Variants in STAG1 observed in about 807,000 individuals in gnomAD.
The protein encoded by STAG1 is STAG1 cohesin complex component.
A neutral mutation model predicts 170.9 loss-of-function variants in STAG1; 26 were observed. The observed-to-expected ratio is 0.15, with a 90% CI of 0.11 to 0.21. The LOEUF (loss-of-function observed/expected upper bound fraction) is 0.21. Ranked by LOEUF, STAG1 falls within the 10% of genes least tolerant of loss-of-function variation. STAG1 has a pLI of 1.00. For synonymous variants in STAG1, 514 were observed against 497.7 expected (o/e 1.03, Z -0.44); for missense variants, 964 against 1,509.5 (o/e 0.64, Z 5.99).
At chr3:136,468,234 G>T (rs1383576502) in intron 12 of STAG1, among the ~76,000 whole-genome samples, 2 of 151,940 alleles carry the variant, frequency 1.3e-5, no homozygotes, top group Non-Finnish European at 2.9e-5. Context: ...TTTTTGAAAA[G>T]ATCAACAAAA....
chr3:136,722,477 G>A (rs937616981), intron 1 of STAG1, among the ~76,000 whole-genome samples: 2 of 152,102 alleles, frequency 1.3e-5, no homozygotes, highest in African/African-American at 4.8e-5. Context: ...AAAAAGAGAA[G>A]GGAAGTGGTA....
rs1357447241 is a variant in STAG1 at position 136,487,088 on chromosome 3, G to T, written c.903-9676C>A. ...ATACAGGTATGCATGTGCCATGGTGGTCTGCTGCACCTATTGACCCGTCCT... is the reference window on the plus strand; with the variant it reads ...ATACAGGTATGCATGTGCCATGGTGTTCTGCTGCACCTATTGACCCGTCCT... On this transcript the variant is annotated intron_variant, in intron 9 of 33. Transcript: ENST00000383202. 4.0e-5 allele frequency among the ~76,000 whole-genome samples: 6 copies of T among 149,354 alleles called. 1 individual carries two copies. The Admixed American group carries it at 4.0e-4, about 10-fold the overall frequency.
intron 7 of STAG1, among the ~76,000 whole-genome samples, chr3:136,506,004 A>G (rs896111559): frequency 2.0e-5 from 3 of 152,220 alleles, no homozygotes; most frequent in African/African-American, 7.2e-5. Flanking sequence ...GGAAGAGGCC[A>G]GATTATAAGA....
At chr3:136,552,307 A>G (rs1258024378) in intron 5 of STAG1, among the ~76,000 whole-genome samples, 1 of 152,234 alleles carries the variant, frequency 6.6e-6, no homozygotes, top group Non-Finnish European at 1.5e-5. Context: ...TTTCAGCATT[A>G]GAAGTTACAT....
intron 8 of STAG1, 134 bp downstream of exon 8, chr3:136,502,494 T>C (rs560365151): frequency 9.3e-6 from 9 of 966,724 alleles, no homozygotes; most frequent in African/African-American, 3.3e-5. Flanking sequence ...CCAGCTTCAT[T>C]TGGAAACCCT....
At chr3:136,430,945 C>G (rs906736395) in intron 16 of STAG1, among the ~76,000 whole-genome samples, 7 of 151,736 alleles carry the variant, frequency 4.6e-5, no homozygotes, top group Non-Finnish European at 7.4e-5. Context: ...ACTCTGTCAC[C>G]CAGGCTAGAG....
At chr3:136,443,649 T>C (rs936936448) in intron 14 of STAG1, among the ~76,000 whole-genome samples, 8 of 152,206 alleles carry the variant, frequency 5.3e-5, no homozygotes, top group Admixed American at 3.9e-4. Context: ...TGACATCATT[T>C]ATAGATGAGG....
chr3:136,443,495 T>A, intron 14 of STAG1, 91 bp from the exon 15 acceptor site: 2 of 902,678 alleles, frequency 2.2e-6, no homozygotes, highest in Non-Finnish European at 1.7e-6. Flanking sequence ...TCTTCATAAT[T>A]AAAATGGCTT....
chr3:136,609,600 T>A (rs192253748), intron 3 of STAG1: 2 of 153,290 alleles, frequency 1.3e-5, no homozygotes, highest in East Asian at 3.8e-4. Flanking sequence ...AGAAGCCAAG[T>A]CTGATTAATA....
Position 136,452,183 on chromosome 3 carries a change from G to C in STAG1, c.1314-36C>G, listed in dbSNP as rs200044586. 15 of 1,310,806 alleles carry C rather than the reference G, an allele frequency of 1.1e-5. No individual in the cohort carries two copies. The Admixed American group carries it at 2.4e-4, about 21-fold the overall frequency. The allele number at this position is 1,310,806 out of a possible 1,614,324, so 81.2% of individuals were successfully genotyped here. A position where few individuals can be genotyped will look rare whatever the true frequency, so the allele number is the denominator to read the frequency against. ...AAAACAGGGCATTGCAAAGTTACAT[G>C]AATATGAACTTTAGTCTTCCCTCAA... On this transcript the variant is annotated intron_variant, in intron 13 of 33. Coordinates refer to ENST00000383202, the MANE Select transcript of STAG1 (RefSeq NM_005862.3).
intron 28 of STAG1, among the ~76,000 whole-genome samples, chr3:136,355,309 G>C (rs1936606777): frequency 8.0e-6 from 1 of 125,660 alleles, no homozygotes; most frequent in South Asian, 2.9e-4. Context: ...CCAAGATTGT[G>C]TCACTGCACT....
chr3:136,424,481 C>T (rs760463673), intron 16 of STAG1, among the ~76,000 whole-genome samples: 10 of 152,018 alleles, frequency 6.6e-5, no homozygotes, highest in African/African-American at 9.6e-5. Flanking sequence ...ACTACAGGTG[C>T]GTACCACTAA....
chr3:136,359,592 G>A (rs890129176), intron 26 of STAG1, among the ~76,000 whole-genome samples: 3 of 152,054 alleles, frequency 2.0e-5, no homozygotes, highest in African/African-American at 7.2e-5. Flanking sequence ...TGCAGTGGTG[G>A]GATCTCAGCT....
At chr3:136,557,458 A>C (rs1369969234) in intron 5 of STAG1, among the ~76,000 whole-genome samples, 1 of 152,172 alleles carries the variant, frequency 6.6e-6, no homozygotes, top group East Asian at 1.9e-4. Flanking sequence ...AACTAACTAA[A>C]CTTCACATAA....
intron 5 of STAG1, among the ~76,000 whole-genome samples, chr3:136,560,899 A>G (rs969425149): frequency 2.6e-5 from 4 of 152,110 alleles, no homozygotes; most frequent in African/African-American, 9.7e-5. Context: ...ATTGTTGGTG[A>G]TACCACTTCT....
At chr3:136,574,343 TACACAC>T (rs144809759) in intron 4 of STAG1, among the ~76,000 whole-genome samples, 5 of 148,960 alleles carry the variant, frequency 3.4e-5, no homozygotes, top group Non-Finnish European at 6.0e-5. Context: ...TGTGTGTGTA[TACACAC>T]ACACACACAC....
At chr3:136,390,237 C>T (rs191641167) in intron 22 of STAG1, among the ~76,000 whole-genome samples, 18 of 152,292 alleles carry the variant, frequency 1.2e-4, no homozygotes, top group African/African-American at 3.6e-4. Context: ...TAATGGAATG[C>T]TGAAACCATG....
chr3:136,604,210 T>G (rs1430612339), intron 4 of STAG1, 99 bp downstream of exon 4: 7 of 1,080,182 alleles, frequency 6.5e-6, no homozygotes, highest in Non-Finnish European at 8.9e-6. Flanking sequence ...GCTTACATAA[T>G]CAACAGAAGT....
intron 6 of STAG1, among the ~76,000 whole-genome samples, chr3:136,534,377 G>C (rs935389170): frequency 6.6e-6 from 1 of 151,804 alleles, no homozygotes; most frequent in African/African-American, 2.4e-5. Context: ...CAAAAGCACA[G>C]ACAACAAAAA....
Sources: allele counts gnomAD v4.1 joint callset (sites outside exome capture counted in the v4.1 genomes callset), GRCh38; gene constraint gnomAD v4.1.1; transcripts MANE v1.5; gene names NCBI Gene and HGNC (gene_info 2026-07-23, HGNC 2026-07-21).